Variants in MRPL34 observed in about 807,000 individuals in gnomAD.
MRPL34 encodes the protein large ribosomal subunit protein bL34m.
In MRPL34, 8 loss-of-function variants were observed where a neutral mutation model predicts 6.7. The ratio of observed to expected loss-of-function variants is 1.20; its 90% CI spans 0.70 to 2.16. The LOEUF is 2.16. MRPL34 is among the 30% of genes most tolerant of loss of function. MRPL34 has a pLI of 0.00. For missense variants in MRPL34, 146 were observed against 125.5 expected, an observed-to-expected ratio of 1.16 and a Z score of -0.78; for synonymous variants, 59 against 55.1, an observed-to-expected ratio of 1.07 and a Z score of -0.31.
At chr19:17,294,874 G>A (rs1599522470) in intron 1 of MRPL34, 5 of 1,605,616 alleles carry the variant, frequency 3.1e-6, no homozygotes, top group Non-Finnish European at 4.3e-6. Context: ...GTGATAGGAG[G>A]ATTGAAGGGA....
chr19:17,292,741 C>T (rs373678410), exon 1 of MRPL34: 35 of 1,613,692 alleles, frequency 2.2e-5, no homozygotes, highest in Non-Finnish European at 2.9e-5. Flanking sequence ...AGCAGGAATT[C>T]GTGGAGCAGC....
chr19:17,305,713 GA>G (rs1218715120), upstream of MRPL34: 10 of 689,724 alleles, frequency 1.4e-5, no homozygotes, highest in African/African-American at 5.3e-5. Flanking sequence ...GTGCCCCGCG[GA>G]TATAGACTGG....
rs979927368 is a variant in MRPL34, at chr19:17,306,365, T to C, written c.265T>C (p.Ser89Pro). 1.2e-6 allele frequency: 2 copies of C among 1,600,618 alleles called. No homozygotes were observed. Among genetic ancestry groups the C allele is most frequent in the African/African-American group, 2.7e-5 (2 of 74,472 alleles). The change falls in exon 2 of 2, where the codon TCG becomes CCG. Residue 89 changes from serine (S) to proline (P), a missense_variant. Physicochemically the swap from Ser to Pro is moderately conservative, Grantham distance 74. Coordinates refer to ENST00000252602, the MANE Select transcript of MRPL34 (RefSeq NM_023937.4). ...TCGCCGAATGCTCAAGGGCCGCAAGTCGCTGAGCCATTGAGGATCGCGACG... is the reference window on the plus strand; with the variant it reads ...TCGCCGAATGCTCAAGGGCCGCAAGCCGCTGAGCCATTGAGGATCGCGACG... ...ILRRMLKGRK[S>P]LSH
upstream of MRPL34, among the ~76,000 whole-genome samples, chr19:17,300,078 G>C (rs1368585430): frequency 6.6e-6 from 1 of 151,432 alleles, no homozygotes; most frequent in Admixed American, 6.6e-5. Flanking sequence ...CTAATTTTTT[G>C]TATTTTTAGT....
At chr19:17,293,995 C>T in intron 1 of MRPL34, among the ~76,000 whole-genome samples, 1 of 152,196 alleles carries the variant, frequency 6.6e-6, no homozygotes, top group Non-Finnish European at 1.5e-5. Flanking sequence ...CATACAAATC[C>T]TCCGCTGTGA....
At chr19:17,302,824 A>T (rs1442120712), upstream of MRPL34, 3 of 151,950 alleles carry the variant, frequency 2.0e-5, no homozygotes, top group African/African-American at 7.3e-5. Flanking sequence ...GCGGTTACAT[A>T]ACCTAAGGGG....
At chr19:17,305,855 A>G, upstream of MRPL34, 1 of 1,604,596 alleles carries the variant, frequency 6.2e-7, no homozygotes, top group Admixed American at 1.7e-5. Flanking sequence ...TGGGCTCCGG[A>G]ATCGCCCGCA....
chr19:17,302,186 A>C (rs1048598424), upstream of MRPL34: 4 of 152,246 alleles, frequency 2.6e-5, no homozygotes, highest in African/African-American at 9.7e-5. Flanking sequence ...GGCTTACCCC[A>C]CAGGGTGTCC....
rs145795042 is a variant in MRPL34 at position 17,294,701 on chromosome 19, C to T, written c.214+1847C>T. ...TGAGGAAGCTCCAGGCCAGGCAGGG[C>T]GACAAGCAGTGCAGGACGCAGGTGG... On this transcript the variant is annotated intron_variant, in intron 1 of 2. Coordinates refer to the MRPL34 transcript ENST00000595444. 4.3e-4 allele frequency: 687 copies of T among 1,614,016 alleles called. 3 individuals carry two copies. The African/African-American group carries it at 7.8e-3, about 18-fold the overall frequency.
upstream of MRPL34, chr19:17,301,475 G>A (rs2074118351): frequency 3.1e-6 from 5 of 1,611,582 alleles, no homozygotes; most frequent in Non-Finnish European, 4.2e-6. Flanking sequence ...GGTCCTGCAT[G>A]CTTCACCCGC....
chr19:17,293,692 T>G (rs115265172), intron 1 of MRPL34, among the ~76,000 whole-genome samples: 104,330 of 142,794 alleles, frequency 0.73, 37,838 homozygotes, highest in Non-Finnish European at 0.8. Flanking sequence ...TGGTTTTTGT[T>G]TTTTTTTTTT....
Position 17,306,267 on chromosome 19 carries a change from G to A in MRPL34, c.167G>A (p.Ser56Asn), listed in dbSNP as rs927716836. The change falls in exon 2 of 2, where the codon AGC becomes AAC. Residue 56 changes from serine to asparagine, a missense_variant. Transcript: ENST00000252602. Reference protein sequence around the residue: ...GKARGNEYQPSNIKRKNKHGW... With the variant: ...GKARGNEYQPNNIKRKNKHGW... Reference sequence around the variant, plus strand: ...GCTCGCGGGAATGAGTATCAGCCGAGCAACATCAAACGCAAGAACAAGCAC... The same window carrying A: ...GCTCGCGGGAATGAGTATCAGCCGAACAACATCAAACGCAAGAACAAGCAC... The A allele has an allele frequency of 6.9e-6, 11 of 1,604,784 alleles. No individual in the cohort carries two copies. In the Admixed American group the frequency reaches 1.7e-4, roughly 25 times the overall value.
At chr19:17,303,965 C>T (rs943265113), upstream of MRPL34, among the ~76,000 whole-genome samples, 3 of 152,066 alleles carry the variant, frequency 2.0e-5, no homozygotes, top group Non-Finnish European at 4.4e-5. Flanking sequence ...CCCCTACGCC[C>T]CCCCCTTTTC....
intron 1 of MRPL34, chr19:17,294,863 G>A: frequency 6.2e-7 from 1 of 1,608,362 alleles, no homozygotes; most frequent in Non-Finnish European, 8.5e-7. Context: ...GAACGGGTGG[G>A]GTGATAGGAG....
chr19:17,294,292 G>C, intron 1 of MRPL34: 1 of 1,603,120 alleles, frequency 6.2e-7, no homozygotes, highest in Non-Finnish European at 8.5e-7. Flanking sequence ...CTCTACCTCG[G>C]CCATGCGCTG....
chr19:17,305,869 G>A (rs1227341723), upstream of MRPL34: 1 of 1,611,940 alleles, frequency 6.2e-7, no homozygotes, highest in Non-Finnish European at 8.5e-7. Context: ...GCCCGCAGCC[G>A]GTACTGCGGG....
upstream of MRPL34, among the ~76,000 whole-genome samples, chr19:17,303,796 T>C (rs753789419): frequency 1.3e-4 from 20 of 152,118 alleles, no homozygotes; most frequent in Non-Finnish European, 2.5e-4. Flanking sequence ...GACCTTTCCA[T>C]TCTAGAAGCA....
intron 1 of MRPL34, among the ~76,000 whole-genome samples, chr19:17,295,245 A>T (rs1472106204): frequency 6.6e-6 from 1 of 151,842 alleles, no homozygotes; most frequent in Non-Finnish European, 1.5e-5. Context: ...AGCTGGGACT[A>T]CAGGCGCCCG....
In MRPL34 at chr19:17,306,747, A is replaced by C. The variant is rs2074151118; in HGVS notation, c.*368A>C. ...ATGTATCTCTCCAAGATGAGAGCTC[A>C]TTAAAAGACAATTACAAAGCTTATC... is the stretch of plus-strand genomic sequence containing the variant. On this transcript the variant is annotated 3_prime_UTR_variant, in exon 2 of 2. Coordinates refer to ENST00000252602, the MANE Select transcript of MRPL34 (RefSeq NM_023937.4). 5.9e-6 allele frequency: 1 copy of C among 170,844 alleles called. No individual in the cohort carries two copies. Among genetic ancestry groups the C allele is most frequent in the South Asian group, 1.7e-4 (1 of 5,756 alleles). 10.6% of individuals were successfully genotyped at this position (170,844 alleles called of 1,614,324 possible).
Sources: allele counts gnomAD v4.1 joint callset (sites outside exome capture counted in the v4.1 genomes callset), GRCh38; gene constraint gnomAD v4.1.1; transcripts MANE v1.5; gene names NCBI Gene and HGNC (gene_info 2026-07-23, HGNC 2026-07-21).